KYAT1: variants seen among roughly 807,000 people sequenced by gnomAD.
KYAT1 encodes the protein kynurenine aminotransferase 1.
KYAT1 carries 47 observed loss-of-function variants against 52.4 expected under a neutral mutation model. The observed-to-expected ratio is 0.90, with a 90% CI of 0.71 to 1.14. KYAT1 has a LOEUF of 1.14. KYAT1 is among the 50% of genes most tolerant of loss of function. The probability of loss-of-function intolerance (pLI) is 0.00; values close to 1 mark genes in which losing one functional copy is unlikely to be tolerated. For synonymous variants in KYAT1, 212 were observed against 209.6 expected (o/e 1.01, Z -0.10); for missense variants, 480 against 557.9 (o/e 0.86, Z 1.41).
chr9:128,879,439 G>A (rs1838501800), intron 1 of KYAT1, among the ~76,000 whole-genome samples: 2 of 152,176 alleles, frequency 1.3e-5, no homozygotes, highest in South Asian at 2.1e-4. Flanking sequence ...TTCCTTTATC[G>A]CCCCCACCTG....
chr9:128,857,259 G>A (rs1038586725), intron 1 of KYAT1, among the ~76,000 whole-genome samples: 1 of 152,148 alleles, frequency 6.6e-6, no homozygotes, highest in African/African-American at 2.4e-5. Flanking sequence ...TCCTCTTGCT[G>A]AGATAATAAA....
chr9:128,843,886 G>A (rs537926076), intron 2 of KYAT1, among the ~76,000 whole-genome samples: 1 of 152,310 alleles, frequency 6.6e-6, no homozygotes, highest in African/African-American at 2.4e-5. Flanking sequence ...TGCTCATATA[G>A]CCTTCACAAT....
At chr9:128,845,325 A>G (rs767488380) in intron 2 of KYAT1, 28 bp downstream of exon 2, 2 of 1,609,688 alleles carry the variant, frequency 1.2e-6, no homozygotes, top group Admixed American at 3.3e-5. Context: ...GGGGACACCC[A>G]CACACCTCCC....
At chr9:128,854,299 A>G (rs960683020) in intron 1 of KYAT1, among the ~76,000 whole-genome samples, 9 of 152,250 alleles carry the variant, frequency 5.9e-5, no homozygotes, top group Admixed American at 5.9e-4. Flanking sequence ...TTTAACATTT[A>G]TAGAAATCAG....
intron 11 of KYAT1, among the ~76,000 whole-genome samples, chr9:128,834,310 T>A (rs1042964096): frequency 6.6e-6 from 1 of 151,862 alleles, no homozygotes; most frequent in Admixed American, 6.6e-5. Context: ...TCATTCCAAG[T>A]CCCTCCCTGG....
At position 128,878,174 on chromosome 9, in the gene KYAT1, G is replaced by A. The variant is rs562720701; in HGVS notation, c.-7+3723C>T. Among the ~76,000 whole-genome samples the A allele has an allele frequency of 2.7e-5, 4 of 150,542 alleles. No individual in the cohort carries two copies. The South Asian group carries it at 6.3e-4, about 24-fold the overall frequency. On this transcript the variant is annotated intron_variant, in intron 1 of 12. Coordinates refer to ENST00000302586, the MANE Select transcript of KYAT1 (RefSeq NM_004059.5). ...TTTTTTGAGACAGTCTTGCTCTATC[G>A]CCCAGGCTGGAGTGCAGTGGCACAA...
At chr9:128,850,068 A>C (rs903367091) in intron 1 of KYAT1, among the ~76,000 whole-genome samples, 1 of 151,608 alleles carries the variant, frequency 6.6e-6, no homozygotes, top group Non-Finnish European at 1.5e-5. Context: ...TATTTTAATT[A>C]GAGATGGGGT....
chr9:128,854,360 T>A (rs979591729), intron 1 of KYAT1, among the ~76,000 whole-genome samples: 12 of 152,068 alleles, frequency 7.9e-5, no homozygotes, highest in Non-Finnish European at 1.6e-4. Context: ...ACAGCCCACA[T>A]GAGGAAAAAC....
chr9:128,849,374 GCACTCCAGGCTGGGTGA>G (rs763082967), intron 1 of KYAT1, among the ~76,000 whole-genome samples: 5 of 124,862 alleles, frequency 4.0e-5, no homozygotes, highest in Middle Eastern at 5.3e-3. Flanking sequence ...TCACACCACT[GCACTCCAGGCTGGGTGA>G]CAGAGCAAGT....
intron 1 of KYAT1, among the ~76,000 whole-genome samples, chr9:128,865,141 A>G (rs999571725): frequency 1.2e-4 from 17 of 145,936 alleles, no homozygotes; most frequent in African/African-American, 4.4e-4. Context: ...TGGGAGGATC[A>G]CTTGAGCCTG....
Position 128,833,139 on chromosome 9 carries a change from T to C in KYAT1, c.*445A>G, listed in dbSNP as rs1564439795. 5.5e-6 allele frequency: 1 copy of C among 181,472 alleles called. No individual in the cohort carries two copies. The highest frequency in any genetic ancestry group is 1.2e-5 in the Non-Finnish European group (1 of 86,790). 11.2% of individuals were successfully genotyped at this position (181,472 alleles called of 1,614,324 possible). A position where few individuals can be genotyped will look rare whatever the true frequency, so the allele number is the denominator to read the frequency against. On this transcript the variant is annotated 3_prime_UTR_variant, in exon 13 of 13. Transcript: ENST00000302586. ...AAGGATCTTAATAACTTAAACATTTTATTATGGACGAAAAGGAGAGGCTTG... is the reference window on the plus strand; with the variant it reads ...AAGGATCTTAATAACTTAAACATTTCATTATGGACGAAAAGGAGAGGCTTG...
At chr9:128,882,375 C>A, upstream of KYAT1, 1 of 227,190 alleles carries the variant, frequency 4.4e-6, no homozygotes, top group East Asian at 8.3e-5. Flanking sequence ...CCGGGCCGGC[C>A]CCCTGGGGAC....
At chr9:128,881,311 G>A (rs947117117) in intron 1 of KYAT1, among the ~76,000 whole-genome samples, 2 of 152,084 alleles carry the variant, frequency 1.3e-5, no homozygotes, top group Non-Finnish European at 2.9e-5. Flanking sequence ...TCGATCTCCT[G>A]ACCTCGTGAT....
chr9:128,864,164 T>A (rs956020371), intron 1 of KYAT1, among the ~76,000 whole-genome samples: 13 of 151,738 alleles, frequency 8.6e-5, no homozygotes, highest in African/African-American at 2.9e-4. Context: ...AGATCGAGAC[T>A]GTCCTGGCTA....
rs764268082 is a variant in KYAT1 at position 128,865,245 on chromosome 9, C to CAA, written c.-7+16650_-7+16651dup. ...GTCCCTCCCCACATCCCTCCCACACCAAAAAAAAAAAAAAAGGCTAAGTCA... is the reference window on the plus strand; with the variant it reads ...GTCCCTCCCCACATCCCTCCCACACCAAAAAAAAAAAAAAAAAGGCTAAGTCA... On this transcript the variant is annotated intron_variant, in intron 1 of 12. Transcript: ENST00000302586. Among the ~76,000 whole-genome samples, 228 of 54,274 alleles carry CAA rather than the reference C, an allele frequency of 4.2e-3. 7 individuals are homozygous for CAA. The highest frequency in any genetic ancestry group is 0.014 in the Middle Eastern group (1 of 70). 35.6% of individuals were successfully genotyped at this position (54,274 alleles called of 152,430 possible).
At chr9:128,866,530 T>C (rs1836403037) in intron 1 of KYAT1, among the ~76,000 whole-genome samples, 2 of 151,988 alleles carry the variant, frequency 1.3e-5, no homozygotes, top group Non-Finnish European at 2.9e-5. Context: ...ACCTGGGAAG[T>C]GGAGGTTGCA....
chr9:128,880,101 C>T lies in KYAT1; in HGVS notation c.-7+1796G>A, dbSNP rs12350533. Reference sequence around the variant, plus strand: ...TGCGTGTAAAATACAAAGTATAATACGTGGGAACATTCACTGTCTACAACT... The same window carrying T: ...TGCGTGTAAAATACAAAGTATAATATGTGGGAACATTCACTGTCTACAACT... On this transcript the variant is annotated intron_variant, in intron 1 of 12. Transcript: ENST00000302586. Among the ~76,000 whole-genome samples, 241 of 152,294 alleles carry T rather than the reference C, an allele frequency of 1.6e-3. 2 individuals carry two copies. The highest frequency in any genetic ancestry group is 0.014 in the Admixed American group (210 of 15,302).
At chr9:128,836,172 C>T (rs2118939129) in intron 7 of KYAT1, 99 bp from the exon 8 acceptor site, 1 of 944,004 alleles carries the variant, frequency 1.1e-6, no homozygotes, top group Non-Finnish European at 1.6e-6. Flanking sequence ...GCTTTTGACA[C>T]CCTGGATTCC....
rs550686102 is a variant in KYAT1 at position 128,855,877 on chromosome 9, C to T, written c.-6-10466G>A. Among the ~76,000 whole-genome samples the T allele has an allele frequency of 5.3e-5, 8 of 152,318 alleles. No individual in the cohort carries two copies. In the South Asian group the frequency reaches 1.7e-3, roughly 32 times the overall value. ...GCGGCTGCTGGAATTGCTTTACACTCCTCTGTTCAAACTACAAAATATATA... is the reference window on the plus strand; with the variant it reads ...GCGGCTGCTGGAATTGCTTTACACTTCTCTGTTCAAACTACAAAATATATA... On this transcript the variant is annotated intron_variant, in intron 1 of 12. Coordinates refer to ENST00000302586, the MANE Select transcript of KYAT1 (RefSeq NM_004059.5).
Sources: allele counts gnomAD v4.1 joint callset (sites outside exome capture counted in the v4.1 genomes callset), GRCh38; gene constraint gnomAD v4.1.1; transcripts MANE v1.5; gene names NCBI Gene and HGNC (gene_info 2026-07-23, HGNC 2026-07-21).